The following ARIH1 variants were observed in gnomAD, a reference collection of about 807,000 sequenced individuals.
ARIH1 encodes the protein E3 ubiquitin-protein ligase ARIH1.
Under a neutral mutation model 85.0 loss-of-function variants are expected in ARIH1, and 8 were observed. The ratio of observed to expected loss-of-function variants is 0.09; its 90% CI spans 0.06 to 0.17. The LOEUF is 0.17. Among genes scored for constraint, ARIH1 ranks in the 10% least tolerant of loss-of-function variants. ARIH1 has a pLI of 1.00. For missense variants in ARIH1, 311 were observed against 718.1 expected, an observed-to-expected ratio of 0.43 and a Z score of 6.48; for synonymous variants, 238 against 253.6, an observed-to-expected ratio of 0.94 and a Z score of 0.59.
chr15:72,503,525 T>C (rs1417043648), intron 1 of ARIH1, among the ~76,000 whole-genome samples: 3 of 152,168 alleles, frequency 2.0e-5, no homozygotes, highest in African/African-American at 7.2e-5. Flanking sequence ...CCTGGAGACA[T>C]ATTCCTATAG....
intron 1 of ARIH1, among the ~76,000 whole-genome samples, chr15:72,498,551 A>G (rs972140981): frequency 1.2e-4 from 18 of 152,206 alleles, no homozygotes; most frequent in Non-Finnish European, 2.5e-4. Context: ...GCTGATAACT[A>G]TTAAGAATCT....
intron 5 of ARIH1, among the ~76,000 whole-genome samples, chr15:72,557,250 C>T (rs752719804): frequency 6.6e-5 from 10 of 151,742 alleles, no homozygotes; most frequent in Non-Finnish European, 1.3e-4. Flanking sequence ...CTGTTGGCTG[C>T]GTATATGTCT....
chr15:72,514,040 A>G (rs1318422772), intron 1 of ARIH1, among the ~76,000 whole-genome samples: 1 of 150,680 alleles, frequency 6.6e-6, no homozygotes, highest in African/African-American at 2.4e-5. Context: ...GGGTCTCACC[A>G]TGTTGCTCAG....
At position 72,543,794 on chromosome 15, in the gene ARIH1, C is replaced by T. The variant is rs1429389130; in HGVS notation, c.444-1026C>T. Among the ~76,000 whole-genome samples the T allele has an allele frequency of 3.3e-5, 5 of 151,702 alleles. No homozygotes were observed. The East Asian group carries it at 9.6e-4, about 29-fold the overall frequency. On this transcript the variant is annotated intron_variant, in intron 2 of 13. Transcript: ENST00000379887. ...GCTTTACAACCCAAAAAGTAATTGA[C>T]CAGATTGCACATTAATATTTTTGCT... is the stretch of plus-strand genomic sequence containing the variant.
intron 1 of ARIH1, among the ~76,000 whole-genome samples, chr15:72,507,955 G>A (rs1229386049): frequency 6.6e-6 from 1 of 152,158 alleles, no homozygotes; most frequent in Non-Finnish European, 1.5e-5. Context: ...CTGTGTAGTG[G>A]GAAATTGTTT....
At chr15:72,565,660 CATA>C (rs963893400) in intron 7 of ARIH1, among the ~76,000 whole-genome samples, 1 of 152,104 alleles carries the variant, frequency 6.6e-6, no homozygotes. Context: ...ACATTTCAAA[CATA>C]AAAGTATAGA....
At chr15:72,578,153 TC>T (rs1474339804) in intron 11 of ARIH1, among the ~76,000 whole-genome samples, 2 of 152,228 alleles carry the variant, frequency 1.3e-5, no homozygotes, top group Admixed American at 1.3e-4. Flanking sequence ...CCCTTCACCT[TC>T]CACGTTTTCT....
chr15:72,517,968 G>A, intron 1 of ARIH1, 99 bp from the exon 2 acceptor site: 1 of 759,668 alleles, frequency 1.3e-6, no homozygotes, highest in Non-Finnish European at 2.2e-6. Context: ...TGGAAATTTG[G>A]GTGGAGTATT....
chr15:72,480,021 C>A (rs1344231005), intron 1 of ARIH1, among the ~76,000 whole-genome samples: 1 of 152,054 alleles, frequency 6.6e-6, no homozygotes, highest in Non-Finnish European at 1.5e-5. Context: ...GCAGCCGCTA[C>A]CATGCCTGGC....
At chr15:72,479,030 A>G (rs913529885) in intron 1 of ARIH1, among the ~76,000 whole-genome samples, 4 of 151,936 alleles carry the variant, frequency 2.6e-5, no homozygotes, top group Admixed American at 2.6e-4. Context: ...GTAGAGACAC[A>G]GGGTCTTGCT....
chr15:72,486,730 G>C (rs1036568362), intron 1 of ARIH1, among the ~76,000 whole-genome samples: 2 of 107,584 alleles, frequency 1.9e-5, no homozygotes, highest in Non-Finnish European at 3.4e-5. Flanking sequence ...CAGAGTCTCT[G>C]TGGCCCAGGC....
At chr15:72,489,132 T>C (rs1399916603) in intron 1 of ARIH1, among the ~76,000 whole-genome samples, 5 of 150,324 alleles carry the variant, frequency 3.3e-5, no homozygotes, top group Non-Finnish European at 5.9e-5. Context: ...GTCAGTTACT[T>C]GGGAGGCTGA....
intron 2 of ARIH1, among the ~76,000 whole-genome samples, chr15:72,541,032 CA>C (rs2064104802): frequency 6.6e-6 from 1 of 152,094 alleles, no homozygotes; most frequent in Non-Finnish European, 1.5e-5. Context: ...AAAGTGGGAC[CA>C]GGGGGCCAAC....
In ARIH1 at chr15:72,495,461, A is replaced by C. The variant is rs116321506; in HGVS notation, c.375+20447A>C. Reference sequence around the variant, plus strand: ...TTCTTCTTTTGGTCAAGGATCATGGATTGCATTTGGTTATCATGTCTCTTT... The same window carrying C: ...TTCTTCTTTTGGTCAAGGATCATGGCTTGCATTTGGTTATCATGTCTCTTT... On this transcript the variant is annotated intron_variant, in intron 1 of 13. Transcript: ENST00000379887. Among the ~76,000 whole-genome samples the C allele has an allele frequency of 1.3e-3, 196 of 152,286 alleles. 1 individual carries two copies. The highest frequency in any genetic ancestry group is 4.6e-3 in the African/African-American group (190 of 41,546).
chr15:72,506,993 TATGTATGTATG>T (rs2063928742), intron 1 of ARIH1, among the ~76,000 whole-genome samples: 1 of 12,776 alleles, frequency 7.8e-5, no homozygotes, highest in Non-Finnish European at 9.9e-4. Context: ...TGTATGTATG[TATGTATGTATG>T]TATGTATGTA....
rs2064328425 is a variant in ARIH1 at position 72,588,715 on chromosome 15, G to GT, written c.*5429dup. The GT allele has an allele frequency of 6.6e-6, 1 of 152,112 alleles. No homozygotes were observed. The highest frequency in any genetic ancestry group is 1.5e-5 in the Non-Finnish European group (1 of 68,022). 9.4% of individuals were successfully genotyped at this position (152,112 alleles called of 1,614,324 possible). On this transcript the variant is annotated 3_prime_UTR_variant, in exon 14 of 14. Transcript: ENST00000379887. Reference sequence around the variant, plus strand: ...GGTCTGGTGTGCAGTGCCCAATTTGGTTTTTTGTTGGTTTTCTGGTAAGTG... The same window carrying GT: ...GGTCTGGTGTGCAGTGCCCAATTTGGTTTTTTTGTTGGTTTTCTGGTAAGTG...
At chr15:72,515,750 C>G (rs1595858522) in intron 1 of ARIH1, among the ~76,000 whole-genome samples, 1 of 152,210 alleles carries the variant, frequency 6.6e-6, no homozygotes, top group East Asian at 1.9e-4. Flanking sequence ...GATTTATATC[C>G]TAATTTTATT....
intron 11 of ARIH1, among the ~76,000 whole-genome samples, chr15:72,576,505 CAAAAA>C (rs35725065): frequency 1.4e-4 from 9 of 63,272 alleles, no homozygotes; most frequent in South Asian, 8.7e-4. Context: ...GACTCTGTCT[CAAAAA>C]AAAAAAAAAA....
intron 1 of ARIH1, among the ~76,000 whole-genome samples, chr15:72,512,179 C>T (rs1056075381): frequency 6.6e-6 from 1 of 151,898 alleles, no homozygotes; most frequent in East Asian, 1.9e-4. Flanking sequence ...GAAGTGGTCC[C>T]TCCTATTCTA....
Sources: allele counts gnomAD v4.1 joint callset (sites outside exome capture counted in the v4.1 genomes callset), GRCh38; gene constraint gnomAD v4.1.1; transcripts MANE v1.5; gene names NCBI Gene and HGNC (gene_info 2026-07-23, HGNC 2026-07-21).